Variants in TNFSF4 observed in about 807,000 individuals in gnomAD.
TNFSF4 encodes tumor necrosis factor ligand superfamily member 4.
Under a neutral mutation model 7.3 loss-of-function variants are expected in TNFSF4, and 4 were observed. That is an observed-to-expected ratio of 0.55 (90% CI 0.27 to 1.25). The LOEUF is 1.25. Among genes scored for constraint, TNFSF4 ranks in the 50% most tolerant of loss-of-function variants. TNFSF4 has a pLI of 0.12. For missense variants in TNFSF4, 181 were observed against 208.8 expected, an observed-to-expected ratio of 0.87 and a Z score of 0.82; for synonymous variants, 76 against 83.7, an observed-to-expected ratio of 0.91 and a Z score of 0.50.
chr1:173,438,977 AC>A, the TNFSF4 span, among the ~76,000 whole-genome samples: 2 of 152,216 alleles, frequency 1.3e-5, no homozygotes, highest in African/African-American at 4.8e-5. Flanking sequence ...AAATAATTGC[AC>A]CTATAAAACA....
chr1:173,380,194 C>T, the TNFSF4 span, among the ~76,000 whole-genome samples: 1 of 152,196 alleles, frequency 6.6e-6, no homozygotes, highest in Non-Finnish European at 1.5e-5. Context: ...GGAGACTTTG[C>T]TCTTTTCACA....
At chr1:173,413,761 C>A in the TNFSF4 span, among the ~76,000 whole-genome samples, 1 of 152,212 alleles carries the variant, frequency 6.6e-6, no homozygotes, top group East Asian at 1.9e-4. Context: ...ATCCTGTACC[C>A]CAGTCTATAT....
chr1:173,327,805 T>C, the TNFSF4 span, among the ~76,000 whole-genome samples: 12 of 152,194 alleles, frequency 7.9e-5, no homozygotes, highest in East Asian at 1.9e-3. Flanking sequence ...CACTATGAGA[T>C]ACCATCTCAC....
At chr1:173,347,726 G>C in the TNFSF4 span, among the ~76,000 whole-genome samples, 2 of 152,202 alleles carry the variant, frequency 1.3e-5, no homozygotes, top group African/African-American at 4.8e-5. Flanking sequence ...CTATGGCAAG[G>C]GGGTGTATAA....
chr1:173,405,203 G>T, the TNFSF4 span, among the ~76,000 whole-genome samples: 1 of 152,132 alleles, frequency 6.6e-6, no homozygotes, highest in Non-Finnish European at 1.5e-5. Flanking sequence ...GTTCGACTTT[G>T]TGGGCCATAT....
chr1:173,183,769 T>C lies in TNFSF4; in HGVS notation c.*2747A>G, dbSNP rs1445610600. Reference sequence around the variant, plus strand: ...GATCTTTTATTTGTTTCCATGTAAATAGCAATATTACTATTAACTATATTA... The same window carrying C: ...GATCTTTTATTTGTTTCCATGTAAACAGCAATATTACTATTAACTATATTA... On this transcript the variant is annotated 3_prime_UTR_variant, in exon 3 of 3. Coordinates refer to ENST00000281834, the MANE Select transcript of TNFSF4 (RefSeq NM_003326.5). 6.6e-6 allele frequency: 1 copy of C among 152,160 alleles called. No homozygotes were observed. Among genetic ancestry groups the C allele is most frequent in the Middle Eastern group, 3.2e-3 (1 of 316 alleles). The allele number at this position is 152,160 out of a possible 1,614,324, so 9.4% of individuals were successfully genotyped here.
downstream of TNFSF4, among the ~76,000 whole-genome samples, chr1:173,182,618 G>A (rs528880639): frequency 4.1e-4 from 63 of 152,300 alleles, no homozygotes; most frequent in Middle Eastern, 0.02. Flanking sequence ...TGGCTAATAC[G>A]ATGCCTGGCA....
chr1:173,290,192 C>T, the TNFSF4 span, among the ~76,000 whole-genome samples: 1 of 152,174 alleles, frequency 6.6e-6, no homozygotes, highest in Non-Finnish European at 1.5e-5. Context: ...ATCAAGTCTA[C>T]ATAACAACCA....
chr1:173,217,606 T>G, the TNFSF4 span, among the ~76,000 whole-genome samples: 1 of 152,156 alleles, frequency 6.6e-6, no homozygotes, highest in Non-Finnish European at 1.5e-5. Flanking sequence ...TTGGTAAACA[T>G]TATAAATTTT....
At chr1:173,275,636 T>C in the TNFSF4 span, among the ~76,000 whole-genome samples, 1 of 152,178 alleles carries the variant, frequency 6.6e-6, no homozygotes, top group Non-Finnish European at 1.5e-5. Flanking sequence ...ACCAGTGTTT[T>C]CTGGGAGAGA....
At chr1:173,441,408 A>C in the TNFSF4 span, among the ~76,000 whole-genome samples, 1 of 152,136 alleles carries the variant, frequency 6.6e-6, no homozygotes, top group Non-Finnish European at 1.5e-5. Context: ...GGATTGCCTG[A>C]GCTCAAGAGT....
chr1:173,306,461 A>G, the TNFSF4 span, among the ~76,000 whole-genome samples: 9 of 151,908 alleles, frequency 5.9e-5, no homozygotes, highest in African/African-American at 2.2e-4. Context: ...GGCATGGGTA[A>G]GCAAAGGTAA....
chr1:173,197,045 C>T (rs756574520), intron 1 of TNFSF4, among the ~76,000 whole-genome samples: 26 of 152,146 alleles, frequency 1.7e-4, no homozygotes, highest in South Asian at 4.1e-4. Flanking sequence ...TCAGGACATC[C>T]CTGGACCTTC....
the TNFSF4 span, among the ~76,000 whole-genome samples, chr1:173,361,536 T>C: frequency 6.6e-6 from 1 of 151,980 alleles, no homozygotes; most frequent in Non-Finnish European, 1.5e-5. Flanking sequence ...AAGGCGGAGG[T>C]TGCAGTGAGC....
the TNFSF4 span, among the ~76,000 whole-genome samples, chr1:173,409,231 G>A: frequency 6.6e-6 from 1 of 152,188 alleles, no homozygotes; most frequent in Admixed American, 6.5e-5. Flanking sequence ...AGGAAAGACT[G>A]AGGAACTCCC....
chr1:173,377,899 G>C, the TNFSF4 span, among the ~76,000 whole-genome samples: 1 of 152,148 alleles, frequency 6.6e-6, no homozygotes, highest in Non-Finnish European at 1.5e-5. Context: ...CTCCCTCAGG[G>C]TACGGCCCTC....
the TNFSF4 span, among the ~76,000 whole-genome samples, chr1:173,441,579 G>A: frequency 1.3e-5 from 2 of 152,136 alleles, no homozygotes. Flanking sequence ...AGCCAAGATT[G>A]AGCCACTGCA....
At chr1:173,445,316 G>A in the TNFSF4 span, among the ~76,000 whole-genome samples, 1 of 152,148 alleles carries the variant, frequency 6.6e-6, no homozygotes, top group Non-Finnish European at 1.5e-5. Context: ...TCTTTTCACA[G>A]GCTTTGGCTG....
chr1:173,415,552 C>T, the TNFSF4 span, among the ~76,000 whole-genome samples: 6 of 152,194 alleles, frequency 3.9e-5, no homozygotes, highest in African/African-American at 1.4e-4. Context: ...TCTTGATGGC[C>T]TGAGGGCCCC....
Sources: allele counts gnomAD v4.1 joint callset (sites outside exome capture counted in the v4.1 genomes callset), GRCh38; gene constraint gnomAD v4.1.1; transcripts MANE v1.5; gene names NCBI Gene and HGNC (gene_info 2026-07-23, HGNC 2026-07-21).